The following CCDC83 variants were observed in gnomAD, a reference collection of about 807,000 sequenced individuals.
CCDC83 encodes the protein coiled-coil domain-containing protein 83.
CCDC83 carries 54 observed loss-of-function variants against 50.1 expected under a neutral mutation model. The ratio of observed to expected loss-of-function variants is 1.08; its 90% confidence interval spans 0.87 to 1.35. The LOEUF is 1.35. Among genes scored for constraint, CCDC83 ranks in the 40% most tolerant of loss-of-function variants. The pLI, the probability that CCDC83 is intolerant of heterozygous loss-of-function variation, is 0.00. For synonymous variants in CCDC83, 161 were observed against 153.3 expected (o/e 1.05, Z -0.37); for missense variants, 518 against 473.9 (o/e 1.09, Z -0.86).
intron 10 of CCDC83, 26 bp downstream of exon 10, chr11:85,916,259 G>T: frequency 1.4e-6 from 2 of 1,456,942 alleles, no homozygotes; most frequent in South Asian, 2.4e-5. Context: ...ACACAACTTT[G>T]ACTACTAAGA....
In CCDC83 at chr11:85,886,327, T is replaced by C. The variant is rs1251195272; in HGVS notation, c.471T>C (p.Asn157=). The change falls in exon 5 of 11, where the codon AAT becomes AAC. Residue 157 remains asparagine, a synonymous_variant. Transcript: ENST00000342404. ...CTAAACTCATTACCTCCTTACAAAA[T>C]GACATCAACACAGTTAAAGAGAATG... The part of the protein sequence containing the change: ...RHAKLITSLQ[N]DINTVKENAE... 2 of 1,609,206 alleles carry C rather than the reference T, an allele frequency of 1.2e-6. No homozygotes were observed. The highest frequency in any genetic ancestry group is 1.7e-6 in the Non-Finnish European group (2 of 1,178,450).
intron 3 of CCDC83, among the ~76,000 whole-genome samples, chr11:85,873,949 C>G (rs1032152307): frequency 2.0e-5 from 3 of 152,160 alleles, no homozygotes; most frequent in Non-Finnish European, 4.4e-5. Flanking sequence ...GAAACTTTCA[C>G]AGCTAACTGT....
At position 85,917,166 on chromosome 11, in the gene CCDC83, G is replaced by GAGAGAGAGAGAA. The variant is rs756949334; in HGVS notation, c.1080+936_1080+937insGAGAGAGAAAGA. Among the ~76,000 whole-genome samples the GAGAGAGAGAGAA allele has an allele frequency of 4.4e-3, 277 of 62,380 alleles. 2 individuals are homozygous for GAGAGAGAGAGAA. Among genetic ancestry groups the GAGAGAGAGAGAA allele is most frequent in the East Asian group, 0.039 (109 of 2,766 alleles). The allele number at this position is 62,380 out of a possible 152,430, so 40.9% of individuals were successfully genotyped here. ...AGAGAGAGAGAGAGAGAGAGAGAGA[G>GAGAGAGAGAGAA]AGAAAGAAAGAAAGAAAGAAAGAAA... On this transcript the variant is annotated intron_variant, in intron 10 of 10. Transcript: ENST00000342404.
At chr11:85,859,010 A>C (rs1340552915) in intron 1 of CCDC83, among the ~76,000 whole-genome samples, 1 of 152,164 alleles carries the variant, frequency 6.6e-6, no homozygotes, top group Non-Finnish European at 1.5e-5. Flanking sequence ...CCATAAAAAC[A>C]TAAAAGCAAG....
intron 5 of CCDC83, among the ~76,000 whole-genome samples, chr11:85,890,679 C>T (rs944720032): frequency 6.6e-6 from 1 of 152,204 alleles, no homozygotes; most frequent in Admixed American, 6.5e-5. Context: ...CAAGTGAGAG[C>T]TTTCTTACCG....
At chr11:85,900,730 G>A in intron 7 of CCDC83, among the ~76,000 whole-genome samples, 1 of 152,124 alleles carries the variant, frequency 6.6e-6, no homozygotes, top group East Asian at 1.9e-4. Flanking sequence ...GGAAGAAATA[G>A]AAAAAATTTA....
chr11:85,884,595 GA>G (rs1289659333), intron 4 of CCDC83, among the ~76,000 whole-genome samples: 1 of 152,182 alleles, frequency 6.6e-6, no homozygotes, highest in Non-Finnish European at 1.5e-5. Flanking sequence ...AACACAGAAA[GA>G]CAGAGTGCTT....
intron 7 of CCDC83, among the ~76,000 whole-genome samples, chr11:85,905,732 G>A (rs1478997875): frequency 1.3e-5 from 2 of 152,038 alleles, no homozygotes; most frequent in Non-Finnish European, 2.9e-5. Flanking sequence ...CACTTTGGGA[G>A]GCCGAGGCAG....
chr11:85,910,603 T>C (rs1335715736), intron 7 of CCDC83, among the ~76,000 whole-genome samples: 1 of 152,238 alleles, frequency 6.6e-6, no homozygotes, highest in Non-Finnish European at 1.5e-5. Flanking sequence ...TAATATGCCC[T>C]ATTGCTAAAT....
intron 1 of CCDC83, among the ~76,000 whole-genome samples, chr11:85,856,659 G>A (rs755895719): frequency 1.3e-5 from 2 of 152,188 alleles, no homozygotes; most frequent in African/African-American, 2.4e-5. Flanking sequence ...CTAATGTAAT[G>A]TACATCATCA....
rs1349855451 is a variant in CCDC83, at chr11:85,865,157, A to C, written c.34A>C (p.Thr12Pro). 6.2e-7 allele frequency: 1 copy of C among 1,613,044 alleles called. No individual in the cohort carries two copies. Among genetic ancestry groups the C allele is most frequent in the South Asian group, 1.1e-5 (1 of 91,070 alleles). Residue 12 changes from threonine (T) to proline (P), a missense_variant, in exon 2 of 11, where the codon ACA becomes CCA. Transcript: ENST00000342404. ...ENSGKANKKD[T>P]HDGPPKEIKL... ...CTCAGGGAAAGCAAATAAAAAGGATACACATGACGGGCCACCAAAAGAAAT... is the reference window on the plus strand; with the variant it reads ...CTCAGGGAAAGCAAATAAAAAGGATCCACATGACGGGCCACCAAAAGAAAT...
chr11:85,867,675 G>C (rs985235069), intron 2 of CCDC83, among the ~76,000 whole-genome samples: 3 of 152,198 alleles, frequency 2.0e-5, no homozygotes, highest in African/African-American at 7.2e-5. Flanking sequence ...TCTCTAATTT[G>C]CTCCCATGGT....
chr11:85,913,200 A>G (rs990244987), intron 8 of CCDC83, among the ~76,000 whole-genome samples: 1 of 152,358 alleles, frequency 6.6e-6, no homozygotes, highest in South Asian at 2.1e-4. Context: ...CATGGGTGAC[A>G]TTTATAGGAA....
At chr11:85,885,575 T>C (rs2093322946) in intron 4 of CCDC83, among the ~76,000 whole-genome samples, 1 of 152,234 alleles carries the variant, frequency 6.6e-6, no homozygotes, top group Non-Finnish European at 1.5e-5. Flanking sequence ...AAACAAAGTT[T>C]ATATCCCTGA....
rs199999154 is a variant in CCDC83 at position 85,882,468 on chromosome 11, G to T, written c.181-45G>T. 3.0e-3 allele frequency: 4,800 copies of T among 1,595,664 alleles called. 19 individuals are homozygous for T. The highest frequency in any genetic ancestry group is 3.7e-3 in the Non-Finnish European group (4,300 of 1,165,908). On this transcript the variant is annotated intron_variant, in intron 3 of 10. Coordinates refer to ENST00000342404, the MANE Select transcript of CCDC83 (RefSeq NM_001286159.2). Reference sequence around the variant, plus strand: ...TGACTCTATTTTGAGGAAACATAGTGTACATAGTTGATCAAACGTGAATTA... The same window carrying T: ...TGACTCTATTTTGAGGAAACATAGTTTACATAGTTGATCAAACGTGAATTA...
intron 1 of CCDC83, among the ~76,000 whole-genome samples, chr11:85,859,179 AAC>A (rs536158093): frequency 0.11 from 15,188 of 143,260 alleles, 905 homozygotes; most frequent in Non-Finnish European, 0.15. Context: ...AAAAAAAAAA[AAC>A]CCCTAGGAAT....
At chr11:85,860,715 C>A (rs967963373) in intron 1 of CCDC83, among the ~76,000 whole-genome samples, 1 of 152,136 alleles carries the variant, frequency 6.6e-6, no homozygotes, top group Non-Finnish European at 1.5e-5. Context: ...TTCACAGTAG[C>A]AAACACATAA....
At chr11:85,876,586 T>C (rs2093270557) in intron 3 of CCDC83, among the ~76,000 whole-genome samples, 1 of 152,184 alleles carries the variant, frequency 6.6e-6, no homozygotes, top group Non-Finnish European at 1.5e-5. Context: ...CTCATTACAA[T>C]CTCCACCTCC....
chr11:85,878,773 T>C (rs2093282551), intron 3 of CCDC83, among the ~76,000 whole-genome samples: 1 of 152,234 alleles, frequency 6.6e-6, no homozygotes, highest in Non-Finnish European at 1.5e-5. Flanking sequence ...AAACTGGCTG[T>C]ACCTTTTACA....
Sources: allele counts gnomAD v4.1 joint callset (sites outside exome capture counted in the v4.1 genomes callset), GRCh38; gene constraint gnomAD v4.1.1; transcripts MANE v1.5; gene names NCBI Gene and HGNC (gene_info 2026-07-23, HGNC 2026-07-21).